The following CROCC2 variants were observed in gnomAD, a reference collection of about 807,000 sequenced individuals.
CROCC2 encodes the protein ciliary rootlet coiled-coil protein 2.
A neutral mutation model predicts 177.6 loss-of-function variants in CROCC2; 163 were observed. That is an observed-to-expected ratio of 0.92 (90% CI 0.81 to 1.05). CROCC2 has a LOEUF of 1.05. Among genes scored for constraint, CROCC2 ranks in the 50% least tolerant of loss-of-function variants. CROCC2 has a pLI of 0.00. For missense variants in CROCC2, 1,929 were observed against 1,797.8 expected (o/e 1.07, Z -1.32); for synonymous variants, 904 against 787.3 (o/e 1.15, Z -2.48).
Position 240,949,583 on chromosome 2 carries a change from C to T in CROCC2, c.2533C>T (p.Arg845Trp), listed in dbSNP as rs761772189. ...SDWEVQEMKL[R>W]QDTVRLQRQV... is the part of the protein sequence containing the mutation. The stretch of plus-strand genomic sequence containing the variant: ...CTGGGAGGTCCAGGAAATGAAGCTG[C>T]GGCAGGACACGGTGCGGCTCCAGCG... The change falls in exon 17 of 32, where the codon CGG (arginine) becomes TGG (tryptophan). Residue 845 changes from arginine (R) to tryptophan (W), a missense_variant. Arg to Trp is a moderately radical substitution (Grantham distance 101). Coordinates refer to ENST00000690015, the MANE Select transcript of CROCC2 (RefSeq NM_001351305.2). The surrounding 1 kb of genome is among the most constrained non-coding windows in gnomAD (Gnocchi z 4.5). 3.5e-5 allele frequency: 55 copies of T among 1,550,382 alleles called. No individual in the cohort carries two copies. The highest frequency in any genetic ancestry group is 1.1e-4 in the South Asian group (9 of 84,056).
chr2:240,952,851 T>A (rs1259841209), intron 18 of CROCC2, among the ~76,000 whole-genome samples: 1 of 151,888 alleles, frequency 6.6e-6, no homozygotes, highest in Non-Finnish European at 1.5e-5. Context: ...GCAGGGTCCA[T>A]GCGAGAGGGG....
chr2:240,987,110 C>T (rs1191398639), intron 28 of CROCC2, among the ~76,000 whole-genome samples: 1 of 152,232 alleles, frequency 6.6e-6, no homozygotes, highest in South Asian at 2.1e-4. Context: ...GGGGGCCCAG[C>T]GCCATGGAGC....
chr2:240,966,589 T>C (rs1401050898), intron 25 of CROCC2, among the ~76,000 whole-genome samples, 180 bp downstream of exon 25: 1 of 152,070 alleles, frequency 6.6e-6, no homozygotes, highest in Non-Finnish European at 1.5e-5. Context: ...CTTGGGTGGC[T>C]GGAGGCCGCC....
At chr2:240,940,082 TTG>T (rs2059487890) in intron 14 of CROCC2, among the ~76,000 whole-genome samples, 2 of 152,146 alleles carry the variant, frequency 1.3e-5, no homozygotes, top group Admixed American at 1.3e-4. Context: ...TGGGGTTTTT[TTG>T]TGTGTTGATT....
At position 240,918,810 on chromosome 2, in the gene CROCC2, C is replaced by A. The variant is rs536926769; in HGVS notation, c.163C>A (p.Pro55Thr). The A allele has an allele frequency of 6.6e-6, 4 of 610,162 alleles. No individual in the cohort carries two copies. In the Middle Eastern group the frequency reaches 1.0e-3, roughly 158 times the overall value. 37.8% of individuals were successfully genotyped at this position (610,162 alleles called of 1,614,324 possible). ...GCGTGGGGAAGGCCGGCAGGCCTCGCCCACCCCCGTGCCCACCCGCATCCG... is the reference window on the plus strand; with the variant it reads ...GCGTGGGGAAGGCCGGCAGGCCTCGACCACCCCCGTGCCCACCCGCATCCG... ...TVRGEGRQAS[P>T]TPVPTRIREI... The change falls in exon 2 of 32, where the codon CCC (proline) becomes ACC (threonine). Residue 55 changes from proline (P) to threonine (T), a missense_variant. Around this residue, in one of 3 missense-constraint regions of CROCC2, gnomAD observed 1,397 missense variants for 1,239.9 expected, o/e 1.13. Transcript: ENST00000690015. The surrounding 1 kb of genome is among the most constrained non-coding windows in gnomAD (Gnocchi z 6.3).
chr2:240,907,052 G>A (rs920434328), intron 1 of CROCC2, among the ~76,000 whole-genome samples: 11 of 152,150 alleles, frequency 7.2e-5, no homozygotes, highest in Non-Finnish European at 1.2e-4. Context: ...TGCAGGCTGC[G>A]CACTGGGGTG....
rs762195186 is a variant in CROCC2, at chr2:240,918,782, C to A, written c.135C>A (p.Thr45=). Residue 45 remains threonine (T), a synonymous_variant, in exon 2 of 32, where the codon ACC becomes ACA. Transcript: ENST00000690015. The surrounding 1 kb of genome is among the most constrained non-coding windows in gnomAD (Gnocchi z 6.3). ...CCAGCAGGGAAGACCGGGCGCTGAC[C>A]GTGCGTGGGGAAGGCCGGCAGGCCT... The part of the protein sequence containing the change: ...PTASREDRAL[T]VRGEGRQASP... 1.2e-5 allele frequency: 7 copies of A among 592,198 alleles called. 1 individual carries two copies. The South Asian group carries it at 1.2e-4, about 10-fold the overall frequency. 36.7% of individuals were successfully genotyped at this position (592,198 alleles called of 1,614,324 possible). A position where few individuals can be genotyped will look rare whatever the true frequency, so the allele number is the denominator to read the frequency against.
chr2:240,911,636 A>C, intron 1 of CROCC2, among the ~76,000 whole-genome samples: 3 of 148,858 alleles, frequency 2.0e-5, no homozygotes, highest in South Asian at 2.1e-4. Flanking sequence ...CTCTGCCCCC[A>C]TTCAACATTC....
rs2106460312 is a variant in CROCC2, at chr2:240,931,466, T to C, written c.947+338T>C. Among the ~76,000 whole-genome samples the C allele has an allele frequency of 1.3e-5, 2 of 152,260 alleles. 1 individual carries two copies. The highest frequency in any genetic ancestry group is 1.3e-4 in the Admixed American group (2 of 15,308). ...TTCTTCTAGGGGCAAGAGCTCACCTTAGGTAAATCATATAAAAACCGAGGC... is the reference window on the plus strand; with the variant it reads ...TTCTTCTAGGGGCAAGAGCTCACCTCAGGTAAATCATATAAAAACCGAGGC... On this transcript the variant is annotated intron_variant, in intron 7 of 31. Coordinates refer to ENST00000690015, the MANE Select transcript of CROCC2 (RefSeq NM_001351305.2).
intron 3 of CROCC2, among the ~76,000 whole-genome samples, chr2:240,921,567 A>G (rs1478687056): frequency 6.6e-6 from 1 of 152,248 alleles, no homozygotes; most frequent in Non-Finnish European, 1.5e-5. Flanking sequence ...ACTCGCCAGC[A>G]GCCCAGTGCA....
chr2:240,952,031 G>T (rs570438736), intron 18 of CROCC2, among the ~76,000 whole-genome samples: 1 of 152,306 alleles, frequency 6.6e-6, no homozygotes, highest in African/African-American at 2.4e-5. Flanking sequence ...CCCATGGGGT[G>T]ATAAGGACTA....
rs2059543660 is a variant in CROCC2, at chr2:240,949,923, G to A, written c.2652+221G>A. Among the ~76,000 whole-genome samples the A allele has an allele frequency of 6.6e-6, 1 of 152,200 alleles. No individual in the cohort carries two copies. The highest frequency in any genetic ancestry group is 1.5e-5 in the Non-Finnish European group (1 of 68,032). ...GGGCTTGGGTTTGTATTTGGGGCGG[G>A]CCTCCCTCATGGAAGAGGCTGGAAG... On this transcript the variant is annotated intron_variant, in intron 17 of 31. Coordinates refer to ENST00000690015, the MANE Select transcript of CROCC2 (RefSeq NM_001351305.2). The surrounding 1 kb of genome is among the most constrained non-coding windows in gnomAD (Gnocchi z 4.5).
chr2:240,993,120 A>G lies in CROCC2; in HGVS notation c.*39A>G. The G allele has an allele frequency of 2.8e-6, 2 of 715,786 alleles. No homozygotes were observed. Among genetic ancestry groups the G allele is most frequent in the Non-Finnish European group, 5.2e-6 (2 of 383,992 alleles). The allele number at this position is 715,786 out of a possible 1,614,324, so 44.3% of individuals were successfully genotyped here. On this transcript the variant is annotated 3_prime_UTR_variant, in exon 32 of 32. Transcript: ENST00000690015. ...GGGGAGGCGCCCAGCGTGGCTGCAG[A>G]GGAAGGGAACGCACCGCAGGTGGGA...
intron 18 of CROCC2, among the ~76,000 whole-genome samples, chr2:240,952,651 C>T (rs2059564207): frequency 6.6e-6 from 1 of 152,204 alleles, no homozygotes; most frequent in Admixed American, 6.5e-5. Context: ...CTGGGCATGG[C>T]ATGAAGTTCT....
intron 27 of CROCC2, chr2:240,981,595 AT>A (rs1436498340): frequency 6.6e-6 from 1 of 152,194 alleles, no homozygotes; most frequent in Non-Finnish European, 1.5e-5. Flanking sequence ...GCCATGAAAT[AT>A]TTAAGCCATA....
chr2:240,960,552 G>T lies in CROCC2; in HGVS notation c.3087+1108G>T, dbSNP rs2059624701. ...AGGGCAGGAGGGCACGCGGATCTGG[G>T]CTAGAGGAGGGGAGGGTCAGCTGGA... On this transcript the variant is annotated intron_variant, in intron 20 of 31. Transcript: ENST00000690015. This position sits in a 1 kb window ranked among gnomAD's most constrained non-coding sequence, Gnocchi z 5.0. Among the ~76,000 whole-genome samples, 1 of 152,168 alleles carries T rather than the reference G, an allele frequency of 6.6e-6. No individual in the cohort carries two copies. The highest frequency in any genetic ancestry group is 2.1e-4 in the South Asian group (1 of 4,836).
At chr2:240,963,836 G>A in intron 21 of CROCC2, 63 bp downstream of exon 21, 1 of 1,506,636 alleles carries the variant, frequency 6.6e-7, no homozygotes, top group Non-Finnish European at 9.0e-7. Flanking sequence ...CCAGGCCGTA[G>A]GGAGGATGGG....
rs865876484 is a variant in CROCC2, at chr2:240,960,169, C to T, written c.3087+725C>T. On this transcript the variant is annotated intron_variant, in intron 20 of 31. Coordinates refer to ENST00000690015, the MANE Select transcript of CROCC2 (RefSeq NM_001351305.2). This position sits in a 1 kb window ranked among gnomAD's most constrained non-coding sequence, Gnocchi z 5.0. ...AATTCGGACCCTTGGCCAAGAGGCCCATCGAGCCATCCACTGAGGCACGGG... is the reference window on the plus strand; with the variant it reads ...AATTCGGACCCTTGGCCAAGAGGCCTATCGAGCCATCCACTGAGGCACGGG... Among the ~76,000 whole-genome samples the T allele has an allele frequency of 1.3e-5, 2 of 152,254 alleles. No homozygotes were observed. Among genetic ancestry groups the T allele is most frequent in the African/African-American group, 4.8e-5 (2 of 41,470 alleles).
chr2:240,983,363 A>T (rs1338576673), intron 28 of CROCC2: 3 of 1,294,480 alleles, frequency 2.3e-6, no homozygotes, highest in Non-Finnish European at 3.0e-6. Context: ...AGATGGAACG[A>T]CCCCGCTCTC....
Sources: gnomAD v4.1 joint callset for allele counts (sites outside exome capture counted in the v4.1 genomes callset) on GRCh38, gnomAD v4.1.1 for gene constraint, gnomAD v4.1.1 regional missense constraint, Gnocchi (gnomAD v3.1) non-coding constraint, MANE v1.5 for transcripts, NCBI Gene and HGNC (gene_info 2026-07-23, HGNC 2026-07-21) for gene names.